KCNK3: variants seen among roughly 807,000 people sequenced by gnomAD.
KCNK3 encodes potassium channel subfamily K member 3.
In KCNK3, 9 loss-of-function variants were observed where a neutral mutation model predicts 27.3. The ratio of observed to expected loss-of-function variants is 0.33; its 90% CI spans 0.20 to 0.57. The LOEUF (loss-of-function observed/expected upper bound fraction) is 0.57, where lower values mean the gene tolerates loss of function less well. Ranked by LOEUF, KCNK3 falls within the 20% of genes least tolerant of loss-of-function variation. The probability of loss-of-function intolerance (pLI) is 0.87; values close to 1 mark genes in which losing one functional copy is unlikely to be tolerated. For synonymous variants in KCNK3, 278 were observed against 273.8 expected (o/e 1.02, Z -0.15); for missense variants, 391 against 577.7 (o/e 0.68, Z 3.31).
intron 1 of KCNK3, among the ~76,000 whole-genome samples, chr2:26,700,787 T>C (rs549180370): frequency 6.6e-6 from 1 of 152,200 alleles, no homozygotes; most frequent in Non-Finnish European, 1.5e-5. Flanking sequence ...ATCATATCTC[T>C]CTCTCTGTCT....
intron 1 of KCNK3, among the ~76,000 whole-genome samples, chr2:26,704,181 C>T (rs1670341858): frequency 6.6e-6 from 1 of 152,154 alleles, no homozygotes; most frequent in African/African-American, 2.4e-5. Flanking sequence ...TTTTGACTCC[C>T]CTATCCCATT....
At chr2:26,698,925 A>G (rs1403962194) in intron 1 of KCNK3, among the ~76,000 whole-genome samples, 5 of 152,002 alleles carry the variant, frequency 3.3e-5, no homozygotes, top group Non-Finnish European at 7.4e-5. Flanking sequence ...ACCTGTAATC[A>G]CAGCACTTTG....
chr2:26,700,224 C>T (rs915078152), intron 1 of KCNK3, among the ~76,000 whole-genome samples: 5 of 152,232 alleles, frequency 3.3e-5, no homozygotes, highest in Admixed American at 3.3e-4. Flanking sequence ...CTGACCCCTC[C>T]GCCAGCCTCT....
Position 26,728,017 on chromosome 2 carries a change from C to T in KCNK3, c.634C>T (p.Gln212Ter). 1 of 1,614,260 alleles carries T rather than the reference C, an allele frequency of 6.2e-7. No homozygotes were observed. The highest frequency in any genetic ancestry group is 1.1e-5 in the South Asian group (1 of 91,092). ...FGDYVALQKD[Q>*]ALQTQPQYVA... ...CGACTACGTGGCGCTGCAGAAGGAC[C>T]AGGCCCTGCAGACGCAGCCGCAGTA... Residue 212 changes from glutamine to a stop codon, truncating the protein, a stop_gained, in exon 2 of 2, where the codon CAG becomes TAG. Coordinates refer to ENST00000302909, the MANE Select transcript of KCNK3 (RefSeq NM_002246.3). LOFTEE classifies it high-confidence loss of function.
chr2:26,722,628 C>T (rs1249318655), intron 1 of KCNK3, among the ~76,000 whole-genome samples: 3 of 152,224 alleles, frequency 2.0e-5, no homozygotes, highest in Non-Finnish European at 4.4e-5. Context: ...AAACATACAA[C>T]AATAACTTAA....
At chr2:26,713,067 C>A (rs1298952927) in intron 1 of KCNK3, among the ~76,000 whole-genome samples, 1 of 152,194 alleles carries the variant, frequency 6.6e-6, no homozygotes, top group Non-Finnish European at 1.5e-5. Flanking sequence ...CATGGATCTG[C>A]TAGTTTTCCA....
At chr2:26,698,673 G>C (rs1274956966) in intron 1 of KCNK3, among the ~76,000 whole-genome samples, 1 of 152,110 alleles carries the variant, frequency 6.6e-6, no homozygotes, top group Non-Finnish European at 1.5e-5. Flanking sequence ...GTGAGGTTGA[G>C]GGCCAGGAGA....
intron 1 of KCNK3, among the ~76,000 whole-genome samples, chr2:26,704,114 G>A (rs189748275): frequency 1.6e-4 from 24 of 152,214 alleles, no homozygotes; most frequent in Admixed American, 8.5e-4. Flanking sequence ...AATCCTGATT[G>A]CCTGACTTCC....
chr2:26,719,398 C>T (rs577882433), intron 1 of KCNK3, among the ~76,000 whole-genome samples: 41 of 152,276 alleles, frequency 2.7e-4, no homozygotes, highest in African/African-American at 9.4e-4. Flanking sequence ...ATCCTTGCCT[C>T]AGTAGCTCCC....
rs147712000 is a variant in KCNK3, at chr2:26,717,092, G to A, written c.284-10575G>A. On this transcript the variant is annotated intron_variant, in intron 1 of 1. Coordinates refer to ENST00000302909, the MANE Select transcript of KCNK3 (RefSeq NM_002246.3). The stretch of plus-strand genomic sequence containing the variant: ...AGTATTTACTATCTGGCCCTTTACA[G>A]GAAACAGTTTGCTGACCCCTGTCAT... Among the ~76,000 whole-genome samples the A allele has an allele frequency of 3.7e-4, 56 of 152,308 alleles. No homozygotes were observed. In the East Asian group the frequency reaches 8.3e-3, roughly 23 times the overall value.
At position 26,700,790 on chromosome 2, in the gene KCNK3, C is replaced by T. The variant is rs147815385; in HGVS notation, c.283+7632C>T. Among the ~76,000 whole-genome samples, 467 of 152,262 alleles carry T rather than the reference C, an allele frequency of 3.1e-3. 5 individuals carry two copies. Among genetic ancestry groups the T allele is most frequent in the Middle Eastern group, 0.017 (5 of 294 alleles). On this transcript the variant is annotated intron_variant, in intron 1 of 1. Transcript: ENST00000302909. ...ACCATCATCATCATCATATCTCTCT[C>T]TCTGTCTCTCTCTCTCTCACTCTGT...
chr2:26,706,240 T>A (rs1027482270), intron 1 of KCNK3, among the ~76,000 whole-genome samples: 17 of 152,188 alleles, frequency 1.1e-4, no homozygotes, highest in African/African-American at 4.1e-4. Context: ...GTGAGCCAGG[T>A]GGCCAAGACA....
chr2:26,706,719 A>G (rs1188518699), intron 1 of KCNK3, among the ~76,000 whole-genome samples: 2 of 152,082 alleles, frequency 1.3e-5, no homozygotes, highest in African/African-American at 4.8e-5. Flanking sequence ...CTGGGCTCCA[A>G]AGAGGCCCTG....
intron 1 of KCNK3, among the ~76,000 whole-genome samples, chr2:26,706,117 C>T (rs770061634): frequency 1.1e-4 from 16 of 152,174 alleles, no homozygotes; most frequent in Non-Finnish European, 1.8e-4. Context: ...ACTTGGGAGG[C>T]TGGGCCACTC....
intron 1 of KCNK3, among the ~76,000 whole-genome samples, chr2:26,709,630 G>A (rs1349209259): frequency 6.6e-6 from 1 of 152,092 alleles, no homozygotes; most frequent in Non-Finnish European, 1.5e-5. Context: ...GGTGGGAGTC[G>A]GCCTGAGGTG....
chr2:26,718,781 C>T (rs1403571808), intron 1 of KCNK3, among the ~76,000 whole-genome samples: 4 of 119,740 alleles, frequency 3.3e-5, no homozygotes, highest in South Asian at 2.5e-4. Flanking sequence ...GCTAATTTTT[C>T]GTTTTTTTCT....
chr2:26,724,593 CG>C (rs1663379180), intron 1 of KCNK3: 1 of 985,200 alleles, frequency 1.0e-6, no homozygotes, highest in African/African-American at 1.7e-5. Context: ...CCTCAGCCTG[CG>C]GTAGGAAGTG....
chr2:26,716,915 A>G (rs1465099947), intron 1 of KCNK3, among the ~76,000 whole-genome samples: 1 of 152,182 alleles, frequency 6.6e-6, no homozygotes, highest in African/African-American at 2.4e-5. Flanking sequence ...GGGACTATGG[A>G]CTGAATCTGG....
In KCNK3 at chr2:26,729,862, G is replaced by T. The variant is rs1292869254; in HGVS notation, c.*1294G>T. 2 of 152,178 alleles carry T rather than the reference G, an allele frequency of 1.3e-5. No homozygotes were observed. Among genetic ancestry groups the T allele is most frequent in the East Asian group, 1.9e-4 (1 of 5,186 alleles). 9.4% of individuals were successfully genotyped at this position (152,178 alleles called of 1,614,324 possible). On this transcript the variant is annotated 3_prime_UTR_variant, in exon 2 of 2. Coordinates refer to ENST00000302909, the MANE Select transcript of KCNK3 (RefSeq NM_002246.3). ...AAAAAAAAAAAAAAAATGGCAAAGG[G>T]AGACAAGAGCCCAGCCTGCTTGTTG...
Sources: allele counts gnomAD v4.1 joint callset (sites outside exome capture counted in the v4.1 genomes callset), GRCh38; gene constraint gnomAD v4.1.1; transcripts MANE v1.5; gene names NCBI Gene and HGNC (gene_info 2026-07-23, HGNC 2026-07-21).